The following COX7B2 variants were observed in gnomAD, a reference collection of about 807,000 sequenced individuals.
The protein encoded by COX7B2 is cytochrome c oxidase subunit 7B2, mitochondrial.
For missense variants in COX7B2, 109 were observed against 95.9 expected, an observed-to-expected ratio of 1.14 and a Z score of -0.57; for synonymous variants, 37 against 32.1, an observed-to-expected ratio of 1.15 and a Z score of -0.51.
intron 1 of COX7B2, among the ~76,000 whole-genome samples, chr4:46,886,532 CTT>C (rs1719095787): frequency 6.6e-6 from 1 of 152,108 alleles, no homozygotes; most frequent in African/African-American, 2.4e-5. Context: ...TTAAACAACT[CTT>C]ATTCTCACAA....
rs561247872 is a variant in COX7B2 at position 46,805,596 on chromosome 4, G to T, written c.-50+39364C>A. Among the ~76,000 whole-genome samples, 202 of 152,114 alleles carry T rather than the reference G, an allele frequency of 1.3e-3. 2 individuals are homozygous for T. The highest frequency in any genetic ancestry group is 1.8e-3 in the Non-Finnish European group (119 of 67,978). ...ATATGGATAACAAATAGTAAATATG[G>T]GTTGAATTCAGGTTTTTAAAAAAAT... On this transcript the variant is annotated intron_variant, in intron 2 of 2. Coordinates refer to ENST00000355591, the MANE Select transcript of COX7B2 (RefSeq NM_130902.3).
intron 1 of COX7B2, among the ~76,000 whole-genome samples, chr4:46,861,475 T>A (rs1269182063): frequency 6.6e-6 from 1 of 152,194 alleles, no homozygotes; most frequent in African/African-American, 2.4e-5. Context: ...CCAGAAGGAC[T>A]CACTGCTGGG....
intron 2 of COX7B2, among the ~76,000 whole-genome samples, chr4:46,802,203 C>T (rs1395576803): frequency 2.0e-5 from 3 of 152,096 alleles, no homozygotes; most frequent in African/African-American, 4.8e-5. Flanking sequence ...AAAAAAGAGA[C>T]TTTGCTTCCT....
intron 2 of COX7B2, among the ~76,000 whole-genome samples, chr4:46,766,563 G>A (rs1194040819): frequency 1.3e-5 from 2 of 151,946 alleles, no homozygotes; most frequent in Non-Finnish European, 2.9e-5. Flanking sequence ...TTAGCCAGAC[G>A]TGGTGGCACA....
intron 1 of COX7B2, among the ~76,000 whole-genome samples, chr4:46,869,684 A>G (rs1717869847): frequency 6.6e-6 from 1 of 152,060 alleles, no homozygotes; most frequent in Admixed American, 6.6e-5. Flanking sequence ...TTCTTTAATA[A>G]TGTTGAATAT....
chr4:46,815,795 G>A (rs1252526579), intron 2 of COX7B2, among the ~76,000 whole-genome samples: 1 of 152,198 alleles, frequency 6.6e-6, no homozygotes, highest in Non-Finnish European at 1.5e-5. Context: ...GAGAAATGTT[G>A]CAGTGTTCTG....
At chr4:46,777,146 C>T (rs531197817) in intron 2 of COX7B2, among the ~76,000 whole-genome samples, 21 of 152,206 alleles carry the variant, frequency 1.4e-4, no homozygotes, top group Non-Finnish European at 2.5e-4. Context: ...AGTAAGGATA[C>T]TCAATGGTCT....
At chr4:46,764,748 C>A (rs1317238767) in intron 2 of COX7B2, among the ~76,000 whole-genome samples, 3 of 150,008 alleles carry the variant, frequency 2.0e-5, no homozygotes, top group African/African-American at 7.3e-5. Flanking sequence ...TTAAACTGAC[C>A]GTTACAATTA....
chr4:46,787,185 C>T (rs766758421), intron 2 of COX7B2, among the ~76,000 whole-genome samples: 8 of 152,174 alleles, frequency 5.3e-5, no homozygotes, highest in African/African-American at 7.2e-5. Context: ...CGGTGGCTCA[C>T]GCCTGTAATC....
At chr4:46,746,528 A>G (rs1347624870) in intron 2 of COX7B2, among the ~76,000 whole-genome samples, 2 of 148,212 alleles carry the variant, frequency 1.3e-5, no homozygotes, top group Non-Finnish European at 3.0e-5. Context: ...GATGTCCAGT[A>G]TACATTGAAA....
chr4:46,741,222 T>C (rs1290385391), intron 2 of COX7B2, among the ~76,000 whole-genome samples: 3 of 152,096 alleles, frequency 2.0e-5, no homozygotes, highest in Non-Finnish European at 2.9e-5. Flanking sequence ...CTTAAATAGT[T>C]CAGAGGAAGA....
intron 2 of COX7B2, among the ~76,000 whole-genome samples, chr4:46,758,130 T>G (rs1237942070): frequency 6.6e-6 from 1 of 152,038 alleles, no homozygotes; most frequent in African/African-American, 2.4e-5. Flanking sequence ...TCTACAATAC[T>G]TTATGGTAAT....
In COX7B2 at chr4:46,793,841, A is replaced by G. The variant is rs181287260; in HGVS notation, c.-50+51119T>C. On this transcript the variant is annotated intron_variant, in intron 2 of 2. Transcript: ENST00000355591. ...AATTGGGATTGAGATGTGTGGGAAG[A>G]CCCTGATGAAGCTGGTTACATTGAA... is the stretch of plus-strand genomic sequence containing the variant. 1.2e-3 allele frequency among the ~76,000 whole-genome samples: 187 copies of G among 152,210 alleles called. 1 individual carries two copies. The highest frequency in any genetic ancestry group is 4.3e-3 in the African/African-American group (177 of 41,532).
At chr4:46,798,243 A>G (rs1718464615) in intron 2 of COX7B2, among the ~76,000 whole-genome samples, 1 of 152,196 alleles carries the variant, frequency 6.6e-6, no homozygotes. Context: ...AGGAAAAGTC[A>G]TTGCAACTGG....
intron 2 of COX7B2, among the ~76,000 whole-genome samples, chr4:46,804,801 C>G (rs1461384430): frequency 6.6e-6 from 1 of 152,260 alleles, no homozygotes; most frequent in Admixed American, 6.5e-5. Flanking sequence ...GCAGGTGGAG[C>G]TGCCTGCCAG....
chr4:46,812,969 G>T lies in COX7B2; in HGVS notation c.-50+31991C>A, dbSNP rs1719363132. 2.6e-5 allele frequency among the ~76,000 whole-genome samples: 4 copies of T among 152,082 alleles called. No individual in the cohort carries two copies. In the South Asian group the frequency reaches 8.3e-4, roughly 32 times the overall value. ...GGGGTTACTGCTCCAGTATGCCAGT[G>T]GCTTGAGGTCCCTGGGAAATGGGTT... On this transcript the variant is annotated intron_variant, in intron 2 of 2. Coordinates refer to ENST00000355591, the MANE Select transcript of COX7B2 (RefSeq NM_130902.3).
chr4:46,899,250 A>AT (rs1271877221), intron 1 of COX7B2, among the ~76,000 whole-genome samples: 1 of 152,178 alleles, frequency 6.6e-6, no homozygotes, highest in Non-Finnish European at 1.5e-5. Context: ...ATCTGTAGCA[A>AT]TTGTGTCTTT....
intron 1 of COX7B2, among the ~76,000 whole-genome samples, chr4:46,891,209 A>C (rs1719412837): frequency 6.6e-6 from 1 of 152,214 alleles, no homozygotes; most frequent in South Asian, 2.1e-4. Context: ...GCAGATCAAG[A>C]AATCAAGTTT....
intron 2 of COX7B2, among the ~76,000 whole-genome samples, chr4:46,803,732 C>CTTTTTTTTTTTTTTTTTTTTTTTTTTT (rs5858039): frequency 8.1e-6 from 1 of 123,288 alleles, no homozygotes. Context: ...GGTTTACTTT[C>CTTTTTTTTTTTTTTTTTTTTTTTTTTT]TTTTTTTTTT....
Sources: allele counts gnomAD v4.1 joint callset (sites outside exome capture counted in the v4.1 genomes callset), GRCh38; gene constraint gnomAD v4.1.1; transcripts MANE v1.5; gene names NCBI Gene and HGNC (gene_info 2026-07-23, HGNC 2026-07-21).